The following FAM178B variants were observed in gnomAD, a reference collection of about 807,000 sequenced individuals.
FAM178B encodes protein FAM178B.
Under a neutral mutation model 91.7 loss-of-function variants are expected in FAM178B, and 82 were observed. That is an observed-to-expected ratio of 0.89 (90% CI 0.75 to 1.07). The LOEUF is 1.07. FAM178B is among the 50% of genes least tolerant of loss of function. The pLI is 0.00. For missense variants in FAM178B, 769 were observed against 846.7 expected, an observed-to-expected ratio of 0.91 and a Z score of 1.14; for synonymous variants, 368 against 359.4, an observed-to-expected ratio of 1.02 and a Z score of -0.27.
intron 12 of FAM178B, among the ~76,000 whole-genome samples, chr2:96,908,146 T>C (rs2081089860): frequency 6.6e-6 from 1 of 151,766 alleles, no homozygotes; most frequent in Non-Finnish European, 1.5e-5. Context: ...CTCCCGGGGG[T>C]CTGCAAGCCC....
At chr2:96,894,345 T>A (rs1268309879) in intron 13 of FAM178B, among the ~76,000 whole-genome samples, 1 of 39,934 alleles carries the variant, frequency 2.5e-5, no homozygotes, top group Non-Finnish European at 5.0e-5. Context: ...CCCACAGACC[T>A]GACACCCACC....
chr2:96,969,920 G>A (rs1309091866), intron 4 of FAM178B, among the ~76,000 whole-genome samples: 1 of 152,172 alleles, frequency 6.6e-6, no homozygotes, highest in Non-Finnish European at 1.5e-5. Context: ...GTGGGTATCA[G>A]TCCTCCCACC....
chr2:96,970,982 C>G (rs2082209609), intron 3 of FAM178B, among the ~76,000 whole-genome samples: 1 of 151,932 alleles, frequency 6.6e-6, no homozygotes, highest in South Asian at 2.1e-4. Flanking sequence ...GCCACCTGTT[C>G]CCTCCCCACA....
chr2:96,913,152 T>C (rs1479392914), intron 12 of FAM178B, among the ~76,000 whole-genome samples: 1 of 152,096 alleles, frequency 6.6e-6, no homozygotes, highest in Non-Finnish European at 1.5e-5. Flanking sequence ...GGATCCAGAA[T>C]TAAGGGTGCA....
chr2:96,969,698 C>T (rs185662800), intron 4 of FAM178B, among the ~76,000 whole-genome samples: 11 of 152,340 alleles, frequency 7.2e-5, no homozygotes, highest in African/African-American at 1.4e-4. Context: ...CCTTCCCTAA[C>T]GTACAATCTA....
At chr2:96,937,084 G>A (rs750077386) in intron 8 of FAM178B, among the ~76,000 whole-genome samples, 40 of 151,884 alleles carry the variant, frequency 2.6e-4, no homozygotes, top group Non-Finnish European at 5.4e-4. Context: ...TAGTAGAGAC[G>A]AGATTTCACT....
At chr2:96,985,476 G>A (rs2082411457) in intron 1 of FAM178B, among the ~76,000 whole-genome samples, 1 of 152,122 alleles carries the variant, frequency 6.6e-6, no homozygotes, top group African/African-American at 2.4e-5. Flanking sequence ...CCTCCCTCGC[G>A]TCCTCGCAGT....
At chr2:96,887,719 A>G (rs2080562744) in intron 14 of FAM178B, among the ~76,000 whole-genome samples, 1 of 152,228 alleles carries the variant, frequency 6.6e-6, no homozygotes, top group Admixed American at 6.5e-5. Flanking sequence ...CTATTTTCCT[A>G]ACTCAGAACG....
intron 1 of FAM178B, among the ~76,000 whole-genome samples, chr2:96,977,593 A>G (rs1392960052): frequency 1.3e-5 from 2 of 151,864 alleles, no homozygotes; most frequent in African/African-American, 4.8e-5. Flanking sequence ...CAAACGTTTT[A>G]GTGTTGCAAA....
intron 8 of FAM178B, among the ~76,000 whole-genome samples, chr2:96,941,780 T>C (rs1279799526): frequency 6.6e-6 from 1 of 152,222 alleles, no homozygotes; most frequent in Non-Finnish European, 1.5e-5. Flanking sequence ...GAAAAGAACC[T>C]ACGCAAGCTC....
intron 14 of FAM178B, among the ~76,000 whole-genome samples, chr2:96,885,343 C>T (rs959081653): frequency 1.3e-5 from 2 of 152,274 alleles, no homozygotes; most frequent in African/African-American, 4.8e-5. Context: ...CAGGAGCTCT[C>T]ACCTGCACCT....
At chr2:96,877,756 C>A in intron 16 of FAM178B, 134 bp downstream of exon 16, 1 of 873,202 alleles carries the variant, frequency 1.1e-6, no homozygotes, top group Non-Finnish European at 1.7e-6. Flanking sequence ...ACCCTTCCCC[C>A]ACATGCCCAC....
Position 96,929,222 on chromosome 2 carries a change from A to C in FAM178B, c.1177T>G (p.Phe393Val). The C allele has an allele frequency of 1.3e-6, 2 of 1,550,424 alleles. No individual in the cohort carries two copies. Among genetic ancestry groups the C allele is most frequent in the South Asian group, 1.2e-5 (1 of 84,014 alleles). ...HSPALYPLGP[F>V]WHGGRVLPGE... ...AGTACTCACCTGCCACCGTGCCAAA[A>C]GGGCCCCAGAGGGTACAGGGCAGGA... is the stretch of plus-strand genomic sequence containing the variant. Residue 393 changes from phenylalanine to valine, a missense_variant, in exon 9 of 17, where the codon TTT becomes GTT. Transcript: ENST00000490605.
At chr2:96,908,113 G>A (rs1007605362) in intron 12 of FAM178B, among the ~76,000 whole-genome samples, 3 of 152,236 alleles carry the variant, frequency 2.0e-5, no homozygotes, top group African/African-American at 7.2e-5. Context: ...GAACAAGGGG[G>A]TGGGCTTAGA....
intron 4 of FAM178B, among the ~76,000 whole-genome samples, chr2:96,968,270 A>C (rs1574314760): frequency 6.6e-6 from 1 of 150,540 alleles, no homozygotes; most frequent in African/African-American, 2.4e-5. Context: ...TTCCGGCCTC[A>C]CTCCTGGGGC....
At chr2:96,894,231 G>A (rs1268048942) in intron 13 of FAM178B, among the ~76,000 whole-genome samples, 180 bp from the exon 14 acceptor site, 1 of 151,794 alleles carries the variant, frequency 6.6e-6, no homozygotes, top group African/African-American at 2.4e-5. Context: ...GTTCTCATCT[G>A]TAAAATGGAT....
chr2:96,945,227 C>T (rs371681936), intron 8 of FAM178B, among the ~76,000 whole-genome samples: 5 of 152,354 alleles, frequency 3.3e-5, no homozygotes, highest in African/African-American at 9.6e-5. Context: ...GACATGTACA[C>T]GTGTTGCTTC....
At chr2:96,962,465 A>G (rs567394826) in intron 5 of FAM178B, among the ~76,000 whole-genome samples, 1 of 151,652 alleles carries the variant, frequency 6.6e-6, no homozygotes, top group South Asian at 2.1e-4. Flanking sequence ...AAGAAAGAAA[A>G]AAAAGCCTAT....
chr2:96,881,820 G>A (rs1443149833), intron 14 of FAM178B, among the ~76,000 whole-genome samples: 1 of 152,106 alleles, frequency 6.6e-6, no homozygotes, highest in East Asian at 1.9e-4. Context: ...CAGTCCTAGA[G>A]AAAAACCCTG....
Sources: allele counts gnomAD v4.1 joint callset (sites outside exome capture counted in the v4.1 genomes callset), GRCh38; gene constraint gnomAD v4.1.1; transcripts MANE v1.5; gene names NCBI Gene and HGNC (gene_info 2026-07-23, HGNC 2026-07-21).